TMEM106A: variants seen among roughly 807,000 people sequenced by gnomAD.
The protein encoded by TMEM106A is transmembrane protein 106A.
A neutral mutation model predicts 25.1 loss-of-function variants in TMEM106A; 22 were observed. The ratio of observed to expected loss-of-function variants is 0.88; its 90% CI spans 0.63 to 1.25. The LOEUF is 1.25. Among genes scored for constraint, TMEM106A ranks in the 50% most tolerant of loss-of-function variants. The pLI is 0.00. For synonymous variants in TMEM106A, 104 were observed against 129.9 expected (o/e 0.80, Z 1.35); for missense variants, 275 against 318.1 (o/e 0.86, Z 1.03).
At chr17:43,217,217 C>A (rs1456491901) in intron 7 of TMEM106A, 42 bp from the exon 8 acceptor site, 1 of 1,608,068 alleles carries the variant, frequency 6.2e-7, no homozygotes, top group Non-Finnish European at 8.5e-7. Flanking sequence ...CAGGCTGCTC[C>A]ATGTGACACG....
chr17:43,213,968 C>T, intron 4 of TMEM106A, 77 bp downstream of exon 4: 2 of 1,467,672 alleles, frequency 1.4e-6, no homozygotes, highest in Admixed American at 3.4e-5. Context: ...CTGTTTTGAT[C>T]TCCCTTAATT....
At position 43,215,378 on chromosome 17, in the gene TMEM106A, A is replaced by G. The variant is rs984424391; in HGVS notation, c.276-410A>G. ...TGAATGTTAAAATTCAGAACTTCCA[A>G]ATATGGACTTATTTCTTCTAGTGAT... On this transcript the variant is annotated intron_variant, in intron 4 of 8. Coordinates refer to ENST00000612339, the MANE Select transcript of TMEM106A (RefSeq NM_145041.4). Among the ~76,000 whole-genome samples the G allele has an allele frequency of 1.1e-4, 16 of 152,242 alleles. 1 individual carries two copies. Among genetic ancestry groups the G allele is most frequent in the African/African-American group, 3.9e-4 (16 of 41,476 alleles).
rs1020263410 is a variant in TMEM106A, at chr17:43,217,945, A to G, written c.*144A>G. On this transcript the variant is annotated 3_prime_UTR_variant, in exon 9 of 9. Coordinates refer to ENST00000612339, the MANE Select transcript of TMEM106A (RefSeq NM_145041.4). Reference sequence around the variant, plus strand: ...CACCCTTACCTCCCACCCCCTCAGCACAGGAAGCTTGCTTTGAAGTTAACT... The same window carrying G: ...CACCCTTACCTCCCACCCCCTCAGCGCAGGAAGCTTGCTTTGAAGTTAACT... 8.1e-7 allele frequency: 1 copy of G among 1,231,916 alleles called. No individual in the cohort carries two copies. Among genetic ancestry groups the G allele is most frequent in the African/African-American group, 1.5e-5 (1 of 66,056 alleles). 76.3% of individuals were successfully genotyped at this position (1,231,916 alleles called of 1,614,324 possible).
chr17:43,213,157 G>C lies in TMEM106A; in HGVS notation c.116G>C (p.Ser39Thr). Reference sequence around the variant, plus strand: ...GTCAACTACTCCAGCACCGGTAGCAGCAAGTCTTTTTGTTCCTGTGTGCCT... The same window carrying C: ...GTCAACTACTCCAGCACCGGTAGCACCAAGTCTTTTTGTTCCTGTGTGCCT... ...KAVNYSSTGSSKSFCSCVPCE... is the reference protein window; with the variant it reads ...KAVNYSSTGSTKSFCSCVPCE... The change falls in exon 3 of 9, where the codon AGC (serine) becomes ACC (threonine). Residue 39 changes from serine (S) to threonine (T), a missense_variant. Transcript: ENST00000612339. 4 of 1,614,208 alleles carry C rather than the reference G, an allele frequency of 2.5e-6. No homozygotes were observed. Among genetic ancestry groups the C allele is most frequent in the Non-Finnish European group, 3.4e-6 (4 of 1,180,044 alleles).
intron 5 of TMEM106A, 27 bp from the exon 6 acceptor site, chr17:43,216,422 C>T: frequency 6.2e-7 from 1 of 1,610,690 alleles, no homozygotes. Context: ...CATCTTCACT[C>T]CTCCCTTCCC....
chr17:43,213,857 C>T lies in TMEM106A; in HGVS notation c.241C>T (p.Pro81Ser). 1.2e-6 allele frequency: 2 copies of T among 1,614,192 alleles called. No individual in the cohort carries two copies. Among genetic ancestry groups the T allele is most frequent in the Non-Finnish European group, 1.7e-6 (2 of 1,180,028 alleles). ...GGAGAAGCAGTTGGTGGCTCTCATT[C>T]CCTATGGGGACCAGAGGCTGAAGCC... is the stretch of plus-strand genomic sequence containing the variant. ...ELEKQLVALI[P>S]YGDQRLKPKH... Residue 81 changes from proline to serine, a missense_variant, in exon 4 of 9, where the codon CCC becomes TCC. Pro to Ser is a moderately conservative substitution (Grantham distance 74, BLOSUM62 -1). Coordinates refer to ENST00000612339, the MANE Select transcript of TMEM106A (RefSeq NM_145041.4).
At position 43,218,129 on chromosome 17, in the gene TMEM106A, CCTT is replaced by C. The variant is rs544855371; in HGVS notation, c.*332_*334del. The C allele has an allele frequency of 1.5e-3, 392 of 256,978 alleles. No homozygotes were observed. The highest frequency in any genetic ancestry group is 8.4e-3 in the African/African-American group (370 of 44,008). 15.9% of individuals were successfully genotyped at this position (256,978 alleles called of 1,614,324 possible). Reference sequence around the variant, plus strand: ...GAACTCCTGGGCTCAAGCGATCCTCCCTTCTTGGCCTCCCAAAGCACTTGGATT... The same window carrying C: ...GAACTCCTGGGCTCAAGCGATCCTCCCTTGGCCTCCCAAAGCACTTGGATT... On this transcript the variant is annotated 3_prime_UTR_variant, in exon 9 of 9. Coordinates refer to ENST00000612339, the MANE Select transcript of TMEM106A (RefSeq NM_145041.4).
intron 4 of TMEM106A, among the ~76,000 whole-genome samples, chr17:43,214,256 C>T (rs907267132): frequency 1.3e-5 from 2 of 150,856 alleles, no homozygotes; most frequent in African/African-American, 2.4e-5. Flanking sequence ...CAGCTGTGGG[C>T]ACAGCAGATG....
At chr17:43,216,196 ACT>A (rs1219950356) in intron 5 of TMEM106A, 22 of 651,446 alleles carry the variant, frequency 3.4e-5, no homozygotes, top group Non-Finnish European at 5.2e-6. Flanking sequence ...AGTGCCTGAG[ACT>A]CTCTGGATGG....
intron 5 of TMEM106A, 120 bp from the exon 6 acceptor site, chr17:43,216,329 G>T: frequency 7.3e-7 from 1 of 1,363,826 alleles, no homozygotes; most frequent in Non-Finnish European, 1.0e-6. Flanking sequence ...TTCATCCTCT[G>T]CACCTGAAGC....
chr17:43,215,652 TG>T, intron 4 of TMEM106A, 135 bp from the exon 5 acceptor site: 3 of 922,908 alleles, frequency 3.3e-6, no homozygotes, highest in African/African-American at 1.7e-5. Flanking sequence ...GGGCCACATC[TG>T]GGGAGCTAAA....
At chr17:43,213,804 C>G (rs778238401) in intron 3 of TMEM106A, 24 bp from the exon 4 acceptor site, 2 of 1,613,414 alleles carry the variant, frequency 1.2e-6, no homozygotes, top group Non-Finnish European at 1.7e-6. Flanking sequence ...TCTTGGCCCT[C>G]CCTCTCACCT....
chr17:43,216,938 G>A, intron 7 of TMEM106A, 198 bp downstream of exon 7: 1 of 699,456 alleles, frequency 1.4e-6, no homozygotes, highest in South Asian at 1.8e-5. Context: ...ATGAAAAACA[G>A]GCTGGAATTT....
Position 43,213,046 on chromosome 17 carries a change from G to C in TMEM106A, c.5G>C (p.Gly2Ala), listed in dbSNP as rs777826324. The C allele has an allele frequency of 1.2e-6, 2 of 1,614,216 alleles. No individual in the cohort carries two copies. The highest frequency in any genetic ancestry group is 4.5e-5 in the East Asian group (2 of 44,884). The stretch of plus-strand genomic sequence containing the variant: ...TGAAACCCCCGCCCCTGAAGAATGG[G>C]TAAGACGTTTTCCCAGCTGGGCTCT... Reference protein sequence around the residue: MGKTFSQLGSWR... With the variant: MAKTFSQLGSWR... The change falls in exon 3 of 9, where the codon GGT becomes GCT. Residue 2 changes from glycine to alanine, a missense_variant. Physicochemically the swap from Gly to Ala is moderately conservative, Grantham distance 60. Transcript: ENST00000612339.
In TMEM106A at chr17:43,216,719, A is replaced by G; in HGVS notation, c.593A>G (p.Lys198Arg). 6.2e-7 allele frequency: 1 copy of G among 1,614,216 alleles called. No homozygotes were observed. Among genetic ancestry groups the G allele is most frequent in the South Asian group, 1.1e-5 (1 of 91,088 alleles). Residue 198 changes from lysine to arginine, a missense_variant, in exon 7 of 9, where the codon AAG (lysine) becomes AGG (arginine). Coordinates refer to ENST00000612339, the MANE Select transcript of TMEM106A (RefSeq NM_145041.4). ...CAGATGTTTTACGCAGTAGCTACCA[A>G]GATACGGGATGAAAACACATAGTGA... is the stretch of plus-strand genomic sequence containing the variant. ...SEQMFYAVAT[K>R]IRDENTYKIC...
In TMEM106A at chr17:43,217,714, A is replaced by G; in HGVS notation, c.702A>G (p.Ser234=). The change falls in exon 9 of 9, where the codon TCA becomes TCG. Residue 234 remains serine (S), a synonymous_variant. Transcript: ENST00000612339. ...GTLTCSYLSH[S]EQLVFQSYEY... ...TGACCTGTTCATACCTGAGCCATTC[A>G]GAGCAGCTGGTCTTTCAGAGCTATG... 6.2e-7 allele frequency: 1 copy of G among 1,614,198 alleles called. No homozygotes were observed. Among genetic ancestry groups the G allele is most frequent in the Non-Finnish European group, 8.5e-7 (1 of 1,180,032 alleles).
At chr17:43,217,430 TGGGA>T in intron 8 of TMEM106A, 118 bp downstream of exon 8, 3 of 1,379,870 alleles carry the variant, frequency 2.2e-6, no homozygotes, top group Non-Finnish European at 3.1e-6. Context: ...TGTTGGCTCT[TGGGA>T]ATAGCAAGTC....
rs17139350 is a variant in TMEM106A at position 43,215,382 on chromosome 17, T to C, written c.276-406T>C. Among the ~76,000 whole-genome samples, 744 of 152,348 alleles carry C rather than the reference T, an allele frequency of 4.9e-3. 29 individuals carry two copies. In the East Asian group the frequency reaches 0.099, roughly 20 times the overall value. Reference sequence around the variant, plus strand: ...TGTTAAAATTCAGAACTTCCAAATATGGACTTATTTCTTCTAGTGATAATA... The same window carrying C: ...TGTTAAAATTCAGAACTTCCAAATACGGACTTATTTCTTCTAGTGATAATA... On this transcript the variant is annotated intron_variant, in intron 4 of 8. Coordinates refer to ENST00000612339, the MANE Select transcript of TMEM106A (RefSeq NM_145041.4).
rs2057479662 is a variant in TMEM106A at position 43,215,831 on chromosome 17, T to A, written c.319T>A (p.Ser107Thr). Residue 107 changes from serine (S) to threonine (T), a missense_variant, in exon 5 of 9, where the codon TCC becomes ACC. By Grantham distance (58) the Ser-to-Thr change is moderately conservative (BLOSUM62 1). Transcript: ENST00000612339. ...GGCCGTGCTCATCTGCCTGGTGACC[T>A]CCTCCTTCATCGTCTTTTTCCTGTT... ...FLAVLICLVT[S>T]SFIVFFLFPR... is the part of the protein sequence containing the mutation. The A allele has an allele frequency of 6.2e-7, 1 of 1,614,052 alleles. No individual in the cohort carries two copies. The highest frequency in any genetic ancestry group is 8.5e-7 in the Non-Finnish European group (1 of 1,180,012).
Sources: allele counts gnomAD v4.1 joint callset (sites outside exome capture counted in the v4.1 genomes callset), GRCh38; gene constraint gnomAD v4.1.1; transcripts MANE v1.5; gene names NCBI Gene and HGNC (gene_info 2026-07-23, HGNC 2026-07-21).